The following XIRP2 variants were observed in gnomAD, a reference collection of about 807,000 sequenced individuals.
XIRP2 encodes the protein xin actin-binding repeat-containing protein 2.
XIRP2 carries 236 observed loss-of-function variants against 277.0 expected under a neutral mutation model. The ratio of observed to expected loss-of-function variants is 0.85; its 90% CI spans 0.77 to 0.95. The LOEUF is 0.95. Among genes scored for constraint, XIRP2 ranks in the 40% least tolerant of loss-of-function variants. The pLI, the probability that XIRP2 is intolerant of heterozygous loss-of-function variation, is 0.00. For missense variants in XIRP2, 4,640 were observed against 4,157.5 expected, an observed-to-expected ratio of 1.12 and a Z score of -3.19; for synonymous variants, 1,490 against 1,416.5, an observed-to-expected ratio of 1.05 and a Z score of -1.17.
intron 3 of XIRP2, among the ~76,000 whole-genome samples, chr2:167,202,429 A>G (rs1328930476): frequency 6.6e-6 from 1 of 152,236 alleles, no homozygotes; most frequent in Non-Finnish European, 1.5e-5. Flanking sequence ...TGCAAAAGAC[A>G]CAGGACATGT....
Position 167,250,239 on chromosome 2 carries a change from A to G in XIRP2, c.8847A>G (p.Arg2949=). 1 of 1,613,310 alleles carries G rather than the reference A, an allele frequency of 6.2e-7. No individual in the cohort carries two copies. Among genetic ancestry groups the G allele is most frequent in the Non-Finnish European group, 8.5e-7 (1 of 1,179,640 alleles). ...KGALNIVEFL[R]KREELQQILS... The stretch of plus-strand genomic sequence containing the variant: ...CCTTAAATATAGTGGAATTCTTGAG[A>G]AAACGTGAAGAACTGCAACAGATTT... Residue 2949 remains arginine, a synonymous_variant, in exon 9 of 11, where the codon AGA becomes AGG. Transcript: ENST00000409195.
chr2:166,895,105 G>T (rs577927478), intron 1 of XIRP2, among the ~76,000 whole-genome samples: 1 of 152,042 alleles, frequency 6.6e-6, no homozygotes, highest in Non-Finnish European at 1.5e-5. Context: ...GATGAAGGAG[G>T]GGAATCATGG....
At chr2:167,083,265 A>G (rs1276416196) in intron 2 of XIRP2, among the ~76,000 whole-genome samples, 2 of 151,950 alleles carry the variant, frequency 1.3e-5, no homozygotes, top group African/African-American at 2.4e-5. Flanking sequence ...GATATGCGGC[A>G]TTATTTCTGA....
At chr2:166,938,635 A>T (rs538045946) in intron 2 of XIRP2, among the ~76,000 whole-genome samples, 83 of 152,224 alleles carry the variant, frequency 5.5e-4, no homozygotes, top group African/African-American at 2.0e-3. Flanking sequence ...GCTGAGTTTA[A>T]TTCCTGGATA....
At chr2:167,160,532 C>T (rs989084219) in intron 3 of XIRP2, among the ~76,000 whole-genome samples, 26 of 152,294 alleles carry the variant, frequency 1.7e-4, no homozygotes, top group African/African-American at 6.3e-4. Context: ...GCACATCTCA[C>T]ACGGCAACAG....
chr2:166,931,636 T>C (rs1334942896), intron 2 of XIRP2, among the ~76,000 whole-genome samples: 1 of 152,210 alleles, frequency 6.6e-6, no homozygotes, highest in Non-Finnish European at 1.5e-5. Flanking sequence ...TGCCATTGTA[T>C]AAGTATATAA....
At chr2:167,082,192 G>A (rs1361224256) in intron 2 of XIRP2, among the ~76,000 whole-genome samples, 5 of 150,616 alleles carry the variant, frequency 3.3e-5, no homozygotes, top group Admixed American at 6.7e-5. Context: ...GAGAATATGC[G>A]GTGTTTGGTT....
chr2:167,250,828 A>G lies in XIRP2; in HGVS notation c.9436A>G (p.Lys3146Glu), dbSNP rs769384112. ...PTKNELSQSP[K>E]KDSYVEPPPR... ...TAAGAACGAGCTTTCTCAGTCCCCTAAAAAGGACAGTTATGTTGAACCCCC... is the reference window on the plus strand; with the variant it reads ...TAAGAACGAGCTTTCTCAGTCCCCTGAAAAGGACAGTTATGTTGAACCCCC... The change falls in exon 9 of 11, where the codon AAA becomes GAA. Residue 3146 changes from lysine to glutamate, a missense_variant. Lys to Glu is a moderately conservative substitution (Grantham distance 56). Transcript: ENST00000409195. 1.2e-6 allele frequency: 2 copies of G among 1,613,466 alleles called. No homozygotes were observed. Among genetic ancestry groups the G allele is most frequent in the East Asian group, 4.5e-5 (2 of 44,818 alleles).
chr2:167,155,636 T>C (rs567236760), intron 3 of XIRP2, among the ~76,000 whole-genome samples: 1 of 152,116 alleles, frequency 6.6e-6, no homozygotes, highest in African/African-American at 2.4e-5. Context: ...CCACAGCCAA[T>C]ATCATACTGA....
rs1047899076 is a variant in XIRP2, at chr2:167,125,542, AC to A, written c.409-10365del. On this transcript the variant is annotated intron_variant, in intron 2 of 10. Coordinates refer to ENST00000409195, the MANE Select transcript of XIRP2 (RefSeq NM_152381.6). ...TCTTCACTGTAAAATAGAGGTAGCT[AC>A]CTCATTAGTATTGTTAAATCTGTTT... Among the ~76,000 whole-genome samples, 4 of 152,162 alleles carry A rather than the reference AC, an allele frequency of 2.6e-5. No homozygotes were observed. The South Asian group carries it at 6.2e-4, about 24-fold the overall frequency.
intron 5 of XIRP2, among the ~76,000 whole-genome samples, chr2:167,235,604 T>C (rs1694879978): frequency 6.6e-6 from 1 of 151,820 alleles, no homozygotes; most frequent in African/African-American, 2.4e-5. Flanking sequence ...CTATGAAATG[T>C]GATAGGTAGA....
chr2:167,156,974 A>C (rs1248974526), intron 3 of XIRP2, among the ~76,000 whole-genome samples: 1 of 152,012 alleles, frequency 6.6e-6, no homozygotes, highest in African/African-American at 2.4e-5. Flanking sequence ...TGTTTCTTTC[A>C]ATTTTTTTTC....
At chr2:167,136,192 A>C in intron 3 of XIRP2, 130 bp downstream of exon 3, 2 of 918,004 alleles carry the variant, frequency 2.2e-6, no homozygotes, top group Middle Eastern at 3.7e-4. Context: ...TAGTTTAGGA[A>C]ATACAATTTA....
At chr2:167,024,530 C>A (rs1316469357) in intron 2 of XIRP2, among the ~76,000 whole-genome samples, 1 of 152,098 alleles carries the variant, frequency 6.6e-6, no homozygotes, top group Non-Finnish European at 1.5e-5. Flanking sequence ...CTGTCTTGTG[C>A]CAGTTTTCAA....
Position 167,132,756 on chromosome 2 carries a change from A to G in XIRP2, c.409-3153A>G, listed in dbSNP as rs117196752. Among the ~76,000 whole-genome samples, 850 of 152,022 alleles carry G rather than the reference A, an allele frequency of 5.6e-3. 18 individuals carry two copies. Among genetic ancestry groups the G allele is most frequent in the East Asian group, 0.042 (217 of 5,122 alleles). ...ATTGTCTTCACCTGGAAAGCTCTTC[A>G]CGTAGTTAAGCCCCATTCATTCTTC... On this transcript the variant is annotated intron_variant, in intron 2 of 10. Coordinates refer to ENST00000409195, the MANE Select transcript of XIRP2 (RefSeq NM_152381.6).
At chr2:166,995,552 A>G (rs979051028) in intron 2 of XIRP2, among the ~76,000 whole-genome samples, 4 of 152,326 alleles carry the variant, frequency 2.6e-5, no homozygotes, top group African/African-American at 9.6e-5. Context: ...TTCTATTGCA[A>G]TTGAGTTTAA....
chr2:167,170,154 C>A (rs1423187275), intron 3 of XIRP2, among the ~76,000 whole-genome samples: 1 of 152,020 alleles, frequency 6.6e-6, no homozygotes, highest in Non-Finnish European at 1.5e-5. Flanking sequence ...TGATAAAGAA[C>A]TTTTAAAAAT....
intron 2 of XIRP2, among the ~76,000 whole-genome samples, chr2:167,008,884 A>C (rs1687579298): frequency 6.6e-6 from 1 of 151,466 alleles, no homozygotes; most frequent in Non-Finnish European, 1.5e-5. Flanking sequence ...ATATTGTATA[A>C]TGTCTCCTTT....
intron 2 of XIRP2, among the ~76,000 whole-genome samples, chr2:167,072,392 C>T (rs138201972): frequency 1.4e-4 from 22 of 152,246 alleles, no homozygotes; most frequent in South Asian, 1.2e-3. Flanking sequence ...CCTTTCTCCA[C>T]CTTCTGCCTG....
Sources: allele counts gnomAD v4.1 joint callset (sites outside exome capture counted in the v4.1 genomes callset), GRCh38; gene constraint gnomAD v4.1.1; transcripts MANE v1.5; gene names NCBI Gene and HGNC (gene_info 2026-07-23, HGNC 2026-07-21).